The following SGCZ variants were observed in gnomAD, a reference collection of about 807,000 sequenced individuals.
SGCZ encodes sarcoglycan zeta, also known as zeta-sarcoglycan.
A neutral mutation model predicts 41.3 loss-of-function variants in SGCZ; 40 were observed. The ratio of observed to expected loss-of-function variants is 0.97; its 90% CI spans 0.75 to 1.26. The LOEUF (loss-of-function observed/expected upper bound fraction) is 1.26. Among genes scored for constraint, SGCZ ranks in the 50% most tolerant of loss-of-function variants. The pLI, the probability that SGCZ is intolerant of heterozygous loss-of-function variation, is 0.00. For synonymous variants in SGCZ, 206 were observed against 137.5 expected, an observed-to-expected ratio of 1.50 and a Z score of -3.49; for missense variants, 552 against 369.8, an observed-to-expected ratio of 1.49 and a Z score of -4.04.
chr8:14,540,316 T>G (rs904686482), intron 2 of SGCZ, among the ~76,000 whole-genome samples: 1 of 150,788 alleles, frequency 6.6e-6, no homozygotes, highest in Non-Finnish European at 1.5e-5. Flanking sequence ...TGACCTTTTT[T>G]TCATTAGAGG....
intron 1 of SGCZ, among the ~76,000 whole-genome samples, chr8:14,564,619 T>A (rs1177063300): frequency 6.6e-6 from 1 of 152,222 alleles, no homozygotes; most frequent in African/African-American, 2.4e-5. Flanking sequence ...GTCTACCCCT[T>A]AGCTAGTGAT....
intron 1 of SGCZ, among the ~76,000 whole-genome samples, chr8:14,852,218 T>C (rs1435410995): frequency 2.0e-5 from 3 of 152,188 alleles, no homozygotes; most frequent in African/African-American, 7.2e-5. Context: ...TACAAAATAA[T>C]TTCTGTAAAT....
rs1585455733 is a variant in SGCZ, at chr8:14,999,813, A to G, written c.39+237772T>C. Among the ~76,000 whole-genome samples the G allele has an allele frequency of 2.0e-5, 3 of 152,190 alleles. No individual in the cohort carries two copies. In the East Asian group the frequency reaches 5.8e-4, roughly 29 times the overall value. On this transcript the variant is annotated intron_variant, in intron 1 of 7. Transcript: ENST00000382080. The stretch of plus-strand genomic sequence containing the variant: ...AAAGTAATGGGGAAGTAACCTAAAG[A>G]CAATCGCGGAACAGCAAAAAGTTAA...
At chr8:14,927,186 G>A (rs1799782302) in intron 1 of SGCZ, among the ~76,000 whole-genome samples, 1 of 136,424 alleles carries the variant, frequency 7.3e-6, no homozygotes, top group Non-Finnish European at 1.5e-5. Flanking sequence ...TCGGCTCACT[G>A]CAAGCTCCGC....
chr8:15,076,471 G>A (rs1205407254), intron 1 of SGCZ, among the ~76,000 whole-genome samples: 2 of 152,172 alleles, frequency 1.3e-5, no homozygotes, highest in South Asian at 2.1e-4. Context: ...AATGGATGTC[G>A]TGGAAGCAGA....
chr8:14,917,941 T>G (rs1005382403), intron 1 of SGCZ, among the ~76,000 whole-genome samples: 2 of 152,290 alleles, frequency 1.3e-5, no homozygotes, highest in Non-Finnish European at 2.9e-5. Flanking sequence ...CTTAGTGGTG[T>G]TCTGCAAAAT....
intron 2 of SGCZ, among the ~76,000 whole-genome samples, chr8:14,352,981 T>C (rs762946801): frequency 9.2e-5 from 14 of 152,116 alleles, no homozygotes; most frequent in Admixed American, 2.0e-4. Context: ...CAAAATACTC[T>C]CATGATTTTC....
intron 1 of SGCZ, among the ~76,000 whole-genome samples, chr8:14,862,528 T>A (rs1167576514): frequency 4.4e-5 from 5 of 114,450 alleles, no homozygotes; most frequent in African/African-American, 1.3e-4. Context: ...AAAAATTGCA[T>A]CTTTAAGATA....
At chr8:14,244,700 C>T (rs981311717) in intron 3 of SGCZ, among the ~76,000 whole-genome samples, 2 of 151,810 alleles carry the variant, frequency 1.3e-5, no homozygotes, top group African/African-American at 2.4e-5. Flanking sequence ...GCCATTTTCA[C>T]GATATTGATT....
Position 14,085,278 on chromosome 8 carries a change from A to T in SGCZ, c.*5165T>A, listed in dbSNP as rs1801492258. On this transcript the variant is annotated 3_prime_UTR_variant, in exon 8 of 8. Transcript: ENST00000382080. ...CATTTTTCATATATCTATATATACA[A>T]GAAAACATTTACATGAAAGTACAAA... Among the ~76,000 whole-genome samples the T allele has an allele frequency of 6.6e-6, 1 of 151,834 alleles. No homozygotes were observed. Among genetic ancestry groups the T allele is most frequent in the African/African-American group, 2.4e-5 (1 of 41,426 alleles).
intron 3 of SGCZ, among the ~76,000 whole-genome samples, chr8:14,280,645 T>C (rs1321599056): frequency 6.6e-6 from 1 of 151,902 alleles, no homozygotes; most frequent in Non-Finnish European, 1.5e-5. Flanking sequence ...TATTAAGAAA[T>C]GGCAGTACAA....
chr8:14,596,276 T>C (rs149999214), intron 1 of SGCZ, among the ~76,000 whole-genome samples: 281 of 152,346 alleles, frequency 1.8e-3, no homozygotes, highest in African/African-American at 6.5e-3. Flanking sequence ...TAGAAGGTTG[T>C]GCACTAACTG....
At chr8:14,669,686 T>TTG (rs1343768392) in intron 1 of SGCZ, among the ~76,000 whole-genome samples, 4 of 111,082 alleles carry the variant, frequency 3.6e-5, no homozygotes, top group East Asian at 2.8e-4. Flanking sequence ...ATATTCCATT[T>TTG]TGTGTATACA....
At chr8:14,451,194 T>C (rs530338240) in intron 2 of SGCZ, among the ~76,000 whole-genome samples, 1 of 152,290 alleles carries the variant, frequency 6.6e-6, no homozygotes, top group African/African-American at 2.4e-5. Context: ...CCGTAAACCA[T>C]TTGAAGAGTG....
Position 14,996,697 on chromosome 8 carries a change from A to C in SGCZ, c.39+240888T>G, listed in dbSNP as rs908946482. On this transcript the variant is annotated intron_variant, in intron 1 of 7. Transcript: ENST00000382080. ...GTTCTAGATATGGTTAGCAAACTGC[A>C]TCAGAGGAACTCCAGACATCTTCTG... Among the ~76,000 whole-genome samples, 18 of 152,346 alleles carry C rather than the reference A, an allele frequency of 1.2e-4. 1 individual carries two copies. The highest frequency in any genetic ancestry group is 4.3e-4 in the African/African-American group (18 of 41,572).
intron 1 of SGCZ, among the ~76,000 whole-genome samples, chr8:14,935,620 G>A (rs1181828967): frequency 1.3e-5 from 2 of 151,774 alleles, no homozygotes; most frequent in Non-Finnish European, 3.0e-5. Flanking sequence ...AATTAAAGGT[G>A]CAGATAAAAA....
At chr8:14,226,486 G>C (rs1806378462) in intron 4 of SGCZ, among the ~76,000 whole-genome samples, 1 of 152,018 alleles carries the variant, frequency 6.6e-6, no homozygotes, top group Non-Finnish European at 1.5e-5. Flanking sequence ...CCATCATACA[G>C]TATGTAAACT....
At chr8:15,166,408 C>T (rs138844827) in intron 1 of SGCZ, among the ~76,000 whole-genome samples, 3,161 of 152,008 alleles carry the variant, frequency 0.021, 96 homozygotes, top group African/African-American at 0.073. Flanking sequence ...CCACCATGCC[C>T]AGCTAGTTTT....
intron 1 of SGCZ, among the ~76,000 whole-genome samples, chr8:14,709,722 G>A (rs1195847830): frequency 6.6e-6 from 1 of 151,966 alleles, no homozygotes; most frequent in African/African-American, 2.4e-5. Context: ...AAATCTTCGT[G>A]AAGTCGAAAT....
Sources: allele counts gnomAD v4.1 joint callset (sites outside exome capture counted in the v4.1 genomes callset), GRCh38; gene constraint gnomAD v4.1.1; transcripts MANE v1.5; gene names NCBI Gene and HGNC (gene_info 2026-07-23, HGNC 2026-07-21).